HTT: variants seen among roughly 807,000 people sequenced by gnomAD.
HTT encodes huntingtin.
Under a neutral mutation model 362.3 loss-of-function variants are expected in HTT, and 104 were observed. That is an observed-to-expected ratio of 0.29 (90% CI 0.24 to 0.34). The LOEUF (loss-of-function observed/expected upper bound fraction) is 0.34, where lower values mean the gene tolerates loss of function less well. Among genes scored for constraint, HTT ranks in the 10% least tolerant of loss-of-function variants. The pLI is 1.00. For missense variants in HTT, 3,301 were observed against 3,928.6 expected (o/e 0.84, Z 4.27); for synonymous variants, 1,577 against 1,548.7 (o/e 1.02, Z -0.43).
In HTT at chr4:3,121,326, C is replaced by T. The variant is rs759711755; in HGVS notation, c.1167C>T (p.Pro389=). ...LLQQLFRTPP[P]ELLQTLTAVG... is the part of the protein sequence containing the mutation. Reference sequence around the variant, plus strand: ...AGCAGCTCTTCAGAACGCCTCCACCCGAGCTTCTGCAAACCCTGACCGCAG... The same window carrying T: ...AGCAGCTCTTCAGAACGCCTCCACCTGAGCTTCTGCAAACCCTGACCGCAG... The change falls in exon 9 of 67, where the codon CCC becomes CCT. Residue 389 remains proline, a synonymous_variant. Transcript: ENST00000355072. 1.7e-5 allele frequency: 28 copies of T among 1,613,938 alleles called. No homozygotes were observed. Among genetic ancestry groups the T allele is most frequent in the African/African-American group, 2.7e-5 (2 of 74,922 alleles).
chr4:3,172,746 A>G (rs1214788605), intron 30 of HTT, among the ~76,000 whole-genome samples, 162 bp from the exon 31 acceptor site: 11 of 149,986 alleles, frequency 7.3e-5, no homozygotes, highest in Non-Finnish European at 1.6e-4. Flanking sequence ...CACTTCATAC[A>G]ATATCTCATG....
intron 61 of HTT, among the ~76,000 whole-genome samples, chr4:3,234,812 A>T (rs1246218201): frequency 6.6e-6 from 1 of 151,980 alleles, no homozygotes; most frequent in Non-Finnish European, 1.5e-5. Context: ...CACAGTGGCC[A>T]CTCATTCAGT....
At chr4:3,225,547 G>C in intron 56 of HTT, 114 bp from the exon 57 acceptor site, 1 of 820,096 alleles carries the variant, frequency 1.2e-6, no homozygotes, top group Non-Finnish European at 1.9e-6. Flanking sequence ...GTGGCGGCGA[G>C]GGCAGGTGGC....
Position 3,127,444 on chromosome 4 carries a change from A to C in HTT, c.1583A>C (p.Asp528Ala). 1 of 1,614,036 alleles carries C rather than the reference A, an allele frequency of 6.2e-7. No individual in the cohort carries two copies. Among genetic ancestry groups the C allele is most frequent in the East Asian group, 2.2e-5 (1 of 44,868 alleles). The change falls in exon 12 of 67, where the codon GAT (aspartate) becomes GCT (alanine). Residue 528 changes from aspartate (D) to alanine (A), a missense_variant. Transcript: ENST00000355072. ...TCTGCCACTGATGGGGATGAGGAGGATATCTTGAGCCACAGCTCCAGCCAG... is the reference window on the plus strand; with the variant it reads ...TCTGCCACTGATGGGGATGAGGAGGCTATCTTGAGCCACAGCTCCAGCCAG... ...TSSATDGDEEDILSHSSSQVS... is the reference protein window; with the variant it reads ...TSSATDGDEEAILSHSSSQVS...
intron 3 of HTT, among the ~76,000 whole-genome samples, chr4:3,101,878 T>C (rs991806530): frequency 6.6e-6 from 1 of 151,958 alleles, no homozygotes; most frequent in African/African-American, 2.4e-5. Context: ...CTTCCTGGAG[T>C]CAGCAGCCAG....
At chr4:3,079,427 A>G (rs1175011845) in intron 1 of HTT, among the ~76,000 whole-genome samples, 1 of 152,062 alleles carries the variant, frequency 6.6e-6, no homozygotes, top group Non-Finnish European at 1.5e-5. Context: ...TGGCCAGATG[A>G]TGGCTTTTGA....
At chr4:3,132,097 A>T (rs1715849462) in intron 16 of HTT, among the ~76,000 whole-genome samples, 1 of 152,196 alleles carries the variant, frequency 6.6e-6, no homozygotes, top group Non-Finnish European at 1.5e-5. Flanking sequence ...CCAGGCATTC[A>T]CACTCAGGGT....
intron 8 of HTT, among the ~76,000 whole-genome samples, chr4:3,120,868 A>G (rs1715266501): frequency 1.3e-5 from 2 of 152,162 alleles, no homozygotes; most frequent in East Asian, 1.9e-4. Context: ...GGCACTCATA[A>G]TAGTGTTTTT....
chr4:3,196,772 G>A (rs1404985625), intron 40 of HTT, among the ~76,000 whole-genome samples: 3 of 150,798 alleles, frequency 2.0e-5, no homozygotes, highest in Admixed American at 1.3e-4. Flanking sequence ...ATACTTCACC[G>A]TAGCGAAACA....
In HTT at chr4:3,174,819, G is replaced by T. The variant is rs146722249; in HGVS notation, c.4245+20G>T. ...GATAAGGTAAATGGTGCCGTTTGTG[G>T]CATGTGAACTCAGGCGTGTCAGTGC... On this transcript the variant is annotated intron_variant, in intron 32 of 66. Coordinates refer to ENST00000355072, the MANE Select transcript of HTT (RefSeq NM_001388492.1). 2.5e-6 allele frequency: 4 copies of T among 1,610,946 alleles called. No individual in the cohort carries two copies. Among genetic ancestry groups the T allele is most frequent in the Non-Finnish European group, 3.4e-6 (4 of 1,177,216 alleles).
At chr4:3,078,261 A>C (rs1454655483) in intron 1 of HTT, among the ~76,000 whole-genome samples, 1 of 152,234 alleles carries the variant, frequency 6.6e-6, no homozygotes, top group Non-Finnish European at 1.5e-5. Flanking sequence ...AACATGTACT[A>C]TGTGCCTGGC....
intron 6 of HTT, among the ~76,000 whole-genome samples, chr4:3,109,259 T>C (rs1714604904): frequency 6.6e-6 from 1 of 152,070 alleles, no homozygotes; most frequent in Non-Finnish European, 1.5e-5. Context: ...GGAGTTTTGC[T>C]CTTGTTGCCA....
intron 29 of HTT, 145 bp from the exon 30 acceptor site, chr4:3,172,175 A>G (rs1210810278): frequency 1.5e-6 from 1 of 650,388 alleles, no homozygotes; most frequent in Non-Finnish European, 2.8e-6. Flanking sequence ...TGTTCAAAAT[A>G]AGAAATTGAA....
intron 3 of HTT, among the ~76,000 whole-genome samples, chr4:3,103,285 C>T (rs1237138725): frequency 2.3e-5 from 3 of 132,224 alleles, no homozygotes; most frequent in Admixed American, 8.9e-5. Flanking sequence ...AGTGCAATGG[C>T]GTGATCTTGG....
intron 5 of HTT, among the ~76,000 whole-genome samples, chr4:3,105,847 T>C (rs1714396684): frequency 6.6e-6 from 1 of 152,240 alleles, no homozygotes; most frequent in African/African-American, 2.4e-5. Flanking sequence ...ATTTGTCTGT[T>C]ACATGAGTTA....
rs539794328 is a variant in HTT at position 3,195,858 on chromosome 4, G to A, written c.5369-3874G>A. ...TGTGTCTGGTTGGGGACAAGGAGAG[G>A]GAAGGTAAAGAAGGCTTTGTGGCCT... On this transcript the variant is annotated intron_variant, in intron 40 of 66. Transcript: ENST00000355072. Among the ~76,000 whole-genome samples, 190 of 152,306 alleles carry A rather than the reference G, an allele frequency of 1.2e-3. 1 individual carries two copies. The highest frequency in any genetic ancestry group is 3.4e-3 in the Middle Eastern group (1 of 294).
intron 35 of HTT, among the ~76,000 whole-genome samples, chr4:3,179,826 A>G (rs1413884213): frequency 7.6e-6 from 1 of 131,378 alleles, no homozygotes; most frequent in Non-Finnish European, 1.6e-5. Flanking sequence ...GTGTGAGCGT[A>G]TGTGTCACTG....
chr4:3,233,325 C>G lies in HTT; in HGVS notation c.8428C>G (p.Leu2810Val), dbSNP rs1278746138. Residue 2810 changes from leucine (L) to valine (V), a missense_variant, in exon 61 of 67, where the codon CTC becomes GTC. By Grantham distance (32) the Leu-to-Val change is conservative. Transcript: ENST00000355072. The stretch of plus-strand genomic sequence containing the variant: ...GCTCATCCCGGTCATCAGCGACTAT[C>G]TCCTCTCCAACCTGAAAGGGATCGC... Reference protein sequence around the residue: ...KQLIPVISDYLLSNLKGIAHC... With the variant: ...KQLIPVISDYVLSNLKGIAHC... The G allele has an allele frequency of 1.2e-6, 2 of 1,607,154 alleles. No homozygotes were observed. Among genetic ancestry groups the G allele is most frequent in the Non-Finnish European group, 1.7e-6 (2 of 1,174,982 alleles).
rs1213380093 is a variant in HTT, at chr4:3,187,852, CAAAT to C, written c.5195_5198del (p.Ile1732ArgfsTer20). The C allele has an allele frequency of 1.2e-6, 2 of 1,612,022 alleles. No homozygotes were observed. Among genetic ancestry groups the C allele is most frequent in the Non-Finnish European group, 1.7e-6 (2 of 1,178,426 alleles). On this transcript the variant is annotated frameshift_variant, in exon 39 of 67. Coordinates refer to ENST00000355072, the MANE Select transcript of HTT (RefSeq NM_001388492.1). LOFTEE classifies it high-confidence loss of function. The stretch of plus-strand genomic sequence containing the variant: ...GCTAGAAGAACACAGTGAAGGGAAA[CAAAT>C]AAAGAATTTGCCAGAAGAAACATTT...
Sources: gnomAD v4.1 joint callset for allele counts (sites outside exome capture counted in the v4.1 genomes callset) on GRCh38, gnomAD v4.1.1 for gene constraint, MANE v1.5 for transcripts, NCBI Gene and HGNC (gene_info 2026-07-23, HGNC 2026-07-21) for gene names.